The following DCN variants were observed in gnomAD, a reference collection of about 807,000 sequenced individuals.
DCN encodes the protein decorin, also known as bone proteoglycan II.
In DCN, 17 loss-of-function variants were observed where a neutral mutation model predicts 36.5. The ratio of observed to expected loss-of-function variants is 0.47; its 90% CI spans 0.32 to 0.70. DCN has a LOEUF of 0.70. Ranked by LOEUF, DCN falls within the 30% of genes least tolerant of loss-of-function variation. The pLI is 0.04. For missense variants in DCN, 389 were observed against 430.1 expected (o/e 0.90, Z 0.84); for synonymous variants, 163 against 161.4 (o/e 1.01, Z -0.07).
Position 91,144,110 on chromosome 12 carries a change from C to A in DCN, c.*1948G>T, listed in dbSNP as rs1880872439. Reference sequence around the variant, plus strand: ...AGCAGGATATCTGCAGGCTTTTCCCCATAAGAGAAAGGCTGCAGCATAAAG... The same window carrying A: ...AGCAGGATATCTGCAGGCTTTTCCCAATAAGAGAAAGGCTGCAGCATAAAG... On this transcript the variant is annotated 3_prime_UTR_variant, in exon 8 of 8. Transcript: ENST00000052754. 6.6e-6 allele frequency: 1 copy of A among 152,042 alleles called. No homozygotes were observed. The highest frequency in any genetic ancestry group is 1.5e-5 in the Non-Finnish European group (1 of 68,016). The allele number at this position is 152,042 out of a possible 1,614,324, so 9.4% of individuals were successfully genotyped here. A position where few individuals can be genotyped will look rare whatever the true frequency, so the allele number is the denominator to read the frequency against.
intron 3 of DCN, 130 bp from the exon 4 acceptor site, chr12:91,158,639 A>G: frequency 1.5e-6 from 1 of 680,712 alleles, no homozygotes; most frequent in South Asian, 1.6e-5. Flanking sequence ...AAATCAGAAA[A>G]AAATTAAGTA....
chr12:91,175,366 A>T (rs1370814886), intron 2 of DCN: 1 of 151,544 alleles, frequency 6.6e-6, no homozygotes, highest in African/African-American at 2.4e-5. Flanking sequence ...ACGTGTTAAT[A>T]CTACTGTGAT....
At position 91,145,791 on chromosome 12, in the gene DCN, T is replaced by C. The variant is rs1178379218; in HGVS notation, c.*267A>G. On this transcript the variant is annotated 3_prime_UTR_variant, in exon 8 of 8. Coordinates refer to ENST00000052754, the MANE Select transcript of DCN (RefSeq NM_001920.5). Reference sequence around the variant, plus strand: ...TATTGACATATATATTTACTCCAAATTTTACATTTAGTGAAATAAGAATAT... The same window carrying C: ...TATTGACATATATATTTACTCCAAACTTTACATTTAGTGAAATAAGAATAT... 2.1e-6 allele frequency: 1 copy of C among 465,314 alleles called. No individual in the cohort carries two copies. Among genetic ancestry groups the C allele is most frequent in the African/African-American group, 2.0e-5 (1 of 50,564 alleles). The allele number at this position is 465,314 out of a possible 1,614,324, so 28.8% of individuals were successfully genotyped here. A position where few individuals can be genotyped will look rare whatever the true frequency, so the allele number is the denominator to read the frequency against.
chr12:91,173,894 G>A (rs562435644), intron 2 of DCN, among the ~76,000 whole-genome samples: 1 of 152,082 alleles, frequency 6.6e-6, no homozygotes, highest in Non-Finnish European at 1.5e-5. Flanking sequence ...TTTTTCACCA[G>A]TTCAAGAAAA....
chr12:91,156,344 A>G (rs1197904467), intron 5 of DCN, among the ~76,000 whole-genome samples: 1 of 152,198 alleles, frequency 6.6e-6, no homozygotes, highest in Non-Finnish European at 1.5e-5. Context: ...GAACATTTTT[A>G]ATGCATAATA....
chr12:91,146,348 T>A, intron 7 of DCN, 96 bp from the exon 8 acceptor site: 1 of 624,080 alleles, frequency 1.6e-6, no homozygotes. Context: ...TTTTAATCCT[T>A]CACTTTTTTT....
At chr12:91,152,674 T>C (rs1406157490) in intron 6 of DCN, among the ~76,000 whole-genome samples, 3 of 152,282 alleles carry the variant, frequency 2.0e-5, no homozygotes, top group East Asian at 1.9e-4. Context: ...ATTATTAAAA[T>C]AGTAATTTGT....
chr12:91,155,814 G>C (rs1322708541), intron 5 of DCN, among the ~76,000 whole-genome samples: 1 of 152,110 alleles, frequency 6.6e-6, no homozygotes, highest in Non-Finnish European at 1.5e-5. Context: ...ATCTATGCCA[G>C]TAGTTGCTAC....
chr12:91,149,601 A>C (rs948199503), intron 7 of DCN, among the ~76,000 whole-genome samples: 1 of 152,170 alleles, frequency 6.6e-6, no homozygotes, highest in African/African-American at 2.4e-5. Flanking sequence ...AGCCAATGCA[A>C]AGGGTGGGTT....
intron 2 of DCN, chr12:91,176,501 A>G (rs1227929139): frequency 6.6e-6 from 1 of 152,066 alleles, no homozygotes; most frequent in Non-Finnish European, 1.5e-5. Context: ...CTAAGACTAC[A>G]TTTTGTTGTT....
Position 91,143,120 on chromosome 12 carries a change from G to GTCA in DCN, c.*2935_*2937dup, listed in dbSNP as rs1880805563. 6.6e-6 allele frequency: 1 copy of GTCA among 152,188 alleles called. No homozygotes were observed. The highest frequency in any genetic ancestry group is 2.4e-5 in the African/African-American group (1 of 41,426). The allele number at this position is 152,188 out of a possible 1,614,324, so 9.4% of individuals were successfully genotyped here. A position where few individuals can be genotyped will look rare whatever the true frequency, so the allele number is the denominator to read the frequency against. ...GGTGAAGATGGAGGCATAAATTAGAGTCACGCTGCCATAAGGCAAAGAACA... is the reference window on the plus strand; with the variant it reads ...GGTGAAGATGGAGGCATAAATTAGAGTCATCACGCTGCCATAAGGCAAAGAACA... On this transcript the variant is annotated 3_prime_UTR_variant, in exon 8 of 8. Transcript: ENST00000052754.
chr12:91,161,137 T>C (rs1322171695), intron 3 of DCN, among the ~76,000 whole-genome samples: 1 of 152,232 alleles, frequency 6.6e-6, no homozygotes, highest in East Asian at 1.9e-4. Flanking sequence ...AAGGCTCTAA[T>C]GAACTCTCTT....
intron 7 of DCN, among the ~76,000 whole-genome samples, chr12:91,148,960 T>C (rs975345053): frequency 2.0e-5 from 3 of 152,092 alleles, no homozygotes; most frequent in African/African-American, 7.2e-5. Context: ...TATATTCCAG[T>C]AGTGATTAGC....
At chr12:91,148,191 A>G (rs1881157893) in intron 7 of DCN, among the ~76,000 whole-genome samples, 1 of 150,944 alleles carries the variant, frequency 6.6e-6, no homozygotes. Context: ...CTCCTGCCTC[A>G]GCCTCCCGAG....
chr12:91,178,599 G>A lies in DCN; in HGVS notation c.-33-14C>T. 1 of 1,538,114 alleles carries A rather than the reference G, an allele frequency of 6.5e-7. No individual in the cohort carries two copies. Among genetic ancestry groups the A allele is most frequent in the Non-Finnish European group, 9.0e-7 (1 of 1,111,506 alleles). On this transcript the variant is annotated splice_polypyrimidine_tract_variant and intron_variant, in intron 1 of 7. Transcript: ENST00000052754. Reference sequence around the variant, plus strand: ...CAACCAGGGAACCTAGGAAACAAATGAGAGATTTAAGAAGAGTAGCACTGC... The same window carrying A: ...CAACCAGGGAACCTAGGAAACAAATAAGAGATTTAAGAAGAGTAGCACTGC...
At chr12:91,154,493 G>C (rs974006779) in intron 5 of DCN, among the ~76,000 whole-genome samples, 1 of 151,848 alleles carries the variant, frequency 6.6e-6, no homozygotes, top group Admixed American at 6.6e-5. Context: ...CACAACCATC[G>C]GCCTTACTTA....
intron 1 of DCN, chr12:91,179,621 A>G (rs2121331843): frequency 1.3e-5 from 2 of 152,300 alleles, no homozygotes; most frequent in East Asian, 3.9e-4. Context: ...TTTTGCACAC[A>G]AATGACTCAA....
Position 91,176,939 on chromosome 12 carries a change from C to T in DCN, c.211+1403G>A, listed in dbSNP as rs146814610. ...CAATAATGCAGGTCATCTCTAGATG[C>T]TTATAAAATTTCTGAAGAGTAATCC... On this transcript the variant is annotated intron_variant, in intron 2 of 7. Transcript: ENST00000052754. The T allele has an allele frequency of 6.1e-3, 925 of 152,294 alleles. 6 individuals are homozygous for T. The highest frequency in any genetic ancestry group is 0.017 in the Middle Eastern group (5 of 294). 9.4% of individuals were successfully genotyped at this position (152,294 alleles called of 1,614,324 possible). A position where few individuals can be genotyped will look rare whatever the true frequency, so the allele number is the denominator to read the frequency against.
At chr12:91,175,967 C>T (rs1883265212) in intron 2 of DCN, 1 of 152,006 alleles carries the variant, frequency 6.6e-6, no homozygotes, top group Non-Finnish European at 1.5e-5. Flanking sequence ...AGGTACCTCA[C>T]ACGATTAATA....
Sources: gnomAD v4.1 joint callset for allele counts (sites outside exome capture counted in the v4.1 genomes callset) on GRCh38, gnomAD v4.1.1 for gene constraint, MANE v1.5 for transcripts, NCBI Gene and HGNC (gene_info 2026-07-23, HGNC 2026-07-21) for gene names.